KDELR3: variants seen among roughly 807,000 people sequenced by gnomAD.
KDELR3 encodes ER lumen protein-retaining receptor 3.
KDELR3 carries 26 observed loss-of-function variants against 22.7 expected under a neutral mutation model. The observed-to-expected ratio is 1.15, with a 90% confidence interval of 0.84 to 1.59. The LOEUF is 1.59. KDELR3 is among the 40% of genes most tolerant of loss of function. The pLI is 0.00. For missense variants in KDELR3, 289 were observed against 251.1 expected (o/e 1.15, Z -1.02); for synonymous variants, 120 against 98.2 (o/e 1.22, Z -1.31).
rs2089617755 is a variant in KDELR3 at position 38,483,136 on chromosome 22, G to A, written c.*600G>A. 1 of 153,330 alleles carries A rather than the reference G, an allele frequency of 6.5e-6. No individual in the cohort carries two copies. Among genetic ancestry groups the A allele is most frequent in the South Asian group, 2.1e-4 (1 of 4,870 alleles). The allele number at this position is 153,330 out of a possible 1,614,324, so 9.5% of individuals were successfully genotyped here. On this transcript the variant is annotated 3_prime_UTR_variant, in exon 5 of 5. Transcript: ENST00000216014. ...TACTGGTTTGAATTTTTTCAAACCA[G>A]TGGCTGATACCTGCCTTGTACTTAG...
At position 38,481,280 on chromosome 22, in the gene KDELR3, G is replaced by A. The variant is rs367613491; in HGVS notation, c.420G>A (p.Lys140=). The A allele has an allele frequency of 1.2e-6, 2 of 1,614,068 alleles. No individual in the cohort carries two copies. The highest frequency in any genetic ancestry group is 2.7e-5 in the African/African-American group (2 of 74,914). Residue 140 remains lysine (K), a synonymous_variant, in exon 4 of 5, where the codon AAG becomes AAA. Coordinates refer to ENST00000216014, the MANE Select transcript of KDELR3 (RefSeq NM_006855.4). The part of the protein sequence containing the change: ...AILPQLFMIS[K]TGEAETITTH... Reference sequence around the variant, plus strand: ...TGCCCCAGCTCTTCATGATCAGCAAGACTGGAGAGGCTGAGACCATAACTA... The same window carrying A: ...TGCCCCAGCTCTTCATGATCAGCAAAACTGGAGAGGCTGAGACCATAACTA...
intron 1 of KDELR3, among the ~76,000 whole-genome samples, chr22:38,469,346 G>C (rs775942049): frequency 6.6e-6 from 1 of 152,246 alleles, no homozygotes; most frequent in Non-Finnish European, 1.5e-5. Context: ...AGGCCAGGGA[G>C]TTGGGTCTGG....
At chr22:38,473,272 A>G (rs1158291060) in intron 1 of KDELR3, among the ~76,000 whole-genome samples, 2 of 151,746 alleles carry the variant, frequency 1.3e-5, no homozygotes, top group African/African-American at 2.4e-5. Context: ...AAATAATAAT[A>G]ATAATAATTA....
At chr22:38,469,362 C>T (rs2089509446) in intron 1 of KDELR3, among the ~76,000 whole-genome samples, 1 of 152,126 alleles carries the variant, frequency 6.6e-6, no homozygotes, top group South Asian at 2.1e-4. Context: ...TCTGGGGAGC[C>T]CTTCATGGTT....
chr22:38,477,769 T>C, intron 2 of KDELR3, among the ~76,000 whole-genome samples: 1 of 152,202 alleles, frequency 6.6e-6, no homozygotes, highest in East Asian at 1.9e-4. Context: ...CACCGTCTAC[T>C]TAAGTTCACA....
chr22:38,473,244 G>T (rs1017236532), intron 1 of KDELR3, among the ~76,000 whole-genome samples: 1 of 152,112 alleles, frequency 6.6e-6, no homozygotes, highest in East Asian at 1.9e-4. Flanking sequence ...GCGACATAGT[G>T]AAACTCTGTC....
intron 2 of KDELR3, 131 bp from the exon 3 acceptor site, chr22:38,479,462 A>G (rs898077193): frequency 4.9e-6 from 4 of 818,842 alleles, no homozygotes; most frequent in South Asian, 1.8e-5. Context: ...GATAAATTGC[A>G]AACACATTTA....
intron 2 of KDELR3, among the ~76,000 whole-genome samples, chr22:38,479,346 G>A (rs189695107): frequency 5.6e-4 from 86 of 152,286 alleles, no homozygotes; most frequent in African/African-American, 1.8e-3. Flanking sequence ...TGAAGGGGAC[G>A]ACAAGGGCAC....
At position 38,482,869 on chromosome 22, in the gene KDELR3, T is replaced by A. The variant is rs1027170436; in HGVS notation, c.*333T>A. On this transcript the variant is annotated 3_prime_UTR_variant, in exon 5 of 5. Transcript: ENST00000216014. ...GAGGGCAAGACTCATGATGAGCAAG[T>A]CAACCCCAATCTGGAACAATGTCCC... 4.5e-5 allele frequency: 13 copies of A among 290,046 alleles called. 1 individual carries two copies. The highest frequency in any genetic ancestry group is 2.8e-4 in the African/African-American group (13 of 45,944). 18.0% of individuals were successfully genotyped at this position (290,046 alleles called of 1,614,324 possible).
At chr22:38,471,732 G>A (rs1354874238) in intron 1 of KDELR3, among the ~76,000 whole-genome samples, 1 of 152,008 alleles carries the variant, frequency 6.6e-6, no homozygotes, top group Non-Finnish European at 1.5e-5. Context: ...GGGAAGCTGA[G>A]GCAGGAGGAT....
intron 1 of KDELR3, among the ~76,000 whole-genome samples, chr22:38,468,695 C>G (rs547019334): frequency 4.8e-4 from 73 of 152,114 alleles, no homozygotes; most frequent in Non-Finnish European, 8.4e-4. Flanking sequence ...AGGAACGGCC[C>G]ACGATTCTCA....
rs149792928 is a variant in KDELR3 at position 38,470,023 on chromosome 22, T to C, written c.91+1699T>C. Among the ~76,000 whole-genome samples, 891 of 152,190 alleles carry C rather than the reference T, an allele frequency of 5.9e-3. 8 individuals carry two copies. Among genetic ancestry groups the C allele is most frequent in the African/African-American group, 0.019 (803 of 41,502 alleles). Reference sequence around the variant, plus strand: ...TTAGTAGAGACGGGGTTTCGCCATGTTGGCCAGGCTGGTCTTGAACGCCTG... The same window carrying C: ...TTAGTAGAGACGGGGTTTCGCCATGCTGGCCAGGCTGGTCTTGAACGCCTG... On this transcript the variant is annotated intron_variant, in intron 1 of 4. Transcript: ENST00000216014.
chr22:38,475,092 A>G (rs2145965708), intron 2 of KDELR3, among the ~76,000 whole-genome samples: 1 of 150,572 alleles, frequency 6.6e-6, no homozygotes, highest in African/African-American at 2.4e-5. Flanking sequence ...AAAAAAAAAA[A>G]AAAAAAAAAA....
At chr22:38,472,768 C>T (rs1024467684) in intron 1 of KDELR3, among the ~76,000 whole-genome samples, 1 of 152,124 alleles carries the variant, frequency 6.6e-6, no homozygotes, top group Non-Finnish European at 1.5e-5. Flanking sequence ...GGCACGATCT[C>T]GGCTCACTGC....
At chr22:38,480,824 AG>A (rs1228627064) in intron 3 of KDELR3, among the ~76,000 whole-genome samples, 1 of 151,924 alleles carries the variant, frequency 6.6e-6, no homozygotes, top group African/African-American at 2.4e-5. Context: ...CCAGCTACTA[AG>A]GAAGGTGAGA....
Position 38,482,686 on chromosome 22 carries a change from C to A in KDELR3, c.*150C>A. On this transcript the variant is annotated 3_prime_UTR_variant, in exon 5 of 5. Coordinates refer to ENST00000216014, the MANE Select transcript of KDELR3 (RefSeq NM_006855.4). ...TTCAGCAAAACCTGATCATCCCACC[C>A]AGAAGACCTTCTCATCAATAGATCG... is the stretch of plus-strand genomic sequence containing the variant. 1.5e-6 allele frequency: 1 copy of A among 675,176 alleles called. No individual in the cohort carries two copies. The highest frequency in any genetic ancestry group is 2.7e-5 in the East Asian group (1 of 36,774). 41.8% of individuals were successfully genotyped at this position (675,176 alleles called of 1,614,324 possible). A position where few individuals can be genotyped will look rare whatever the true frequency, so the allele number is the denominator to read the frequency against.
intron 4 of KDELR3, 52 bp downstream of exon 4, chr22:38,481,516 C>A: frequency 6.2e-7 from 1 of 1,611,518 alleles, no homozygotes; most frequent in Non-Finnish European, 8.5e-7. Context: ...AGTTACTCAT[C>A]CATTTAATAA....
At chr22:38,480,107 T>C (rs982333372) in intron 3 of KDELR3, among the ~76,000 whole-genome samples, 1 of 152,128 alleles carries the variant, frequency 6.6e-6, no homozygotes, top group Non-Finnish European at 1.5e-5. Flanking sequence ...ACAAGCATCA[T>C]GGGAGATTCT....
chr22:38,477,427 A>G (rs558335395), intron 2 of KDELR3, among the ~76,000 whole-genome samples: 2 of 137,436 alleles, frequency 1.5e-5, no homozygotes, highest in African/African-American at 2.8e-5. Flanking sequence ...CTGGTCTCGA[A>G]CTCCTGACCT....
Sources: allele counts gnomAD v4.1 joint callset (sites outside exome capture counted in the v4.1 genomes callset), GRCh38; gene constraint gnomAD v4.1.1; transcripts MANE v1.5; gene names NCBI Gene and HGNC (gene_info 2026-07-23, HGNC 2026-07-21).